The following APOB variants were observed in gnomAD, a reference collection of about 807,000 sequenced individuals.
APOB encodes apolipoprotein B, also known as apolipoprotein B-100.
APOB carries 153 observed loss-of-function variants against 314.1 expected under a neutral mutation model. The ratio of observed to expected loss-of-function variants is 0.49; its 90% confidence interval spans 0.43 to 0.56. The LOEUF (loss-of-function observed/expected upper bound fraction) is 0.56. Among genes scored for constraint, APOB ranks in the 20% least tolerant of loss-of-function variants. The probability of loss-of-function intolerance (pLI) is 0.00; values close to 1 mark genes in which losing one functional copy is unlikely to be tolerated. For synonymous variants in APOB, 2,087 were observed against 2,036.4 expected (o/e 1.02, Z -0.67); for missense variants, 5,430 against 5,350.7 (o/e 1.01, Z -0.46).
Position 21,007,901 on chromosome 2 carries a change from T to A in APOB, c.8967A>T (p.Gln2989His), listed in dbSNP as rs1453862678. Residue 2989 changes from glutamine (Q) to histidine (H), a missense_variant, in exon 26 of 29, where the codon CAA becomes CAT. By Grantham distance (24) the Gln-to-His change is conservative. This residue lies in a region of APOB where 3,281 missense variants were observed against 3,171.0 expected (regional missense o/e 1.03). Coordinates refer to ENST00000233242, the MANE Select transcript of APOB (RefSeq NM_000384.3). ...GSLNFSKLEI[Q>H]SQVDSQHVGH... ...CCACATGCTGGGAATCGACTTGTGA[T>A]TGAATTTCAAGTTTAGAAAAGTTGA... The A allele has an allele frequency of 1.9e-6, 3 of 1,614,106 alleles. No homozygotes were observed. In the South Asian group the frequency reaches 3.3e-5, roughly 18 times the overall value.
rs1467086905 is a variant in APOB at position 21,032,430 on chromosome 2, G to A, written c.1276C>T (p.Leu426=). The A allele has an allele frequency of 6.2e-7, 1 of 1,614,020 alleles. No individual in the cohort carries two copies. Among genetic ancestry groups the A allele is most frequent in the Non-Finnish European group, 8.5e-7 (1 of 1,180,048 alleles). ...ALIPEPSAQQ[L]REIFNMARDQ... ...CTCGCCATGTTGAAGATCTCTCGCA[G>A]CTGCTGTGCTGAGGGCTCGGGGATC... is the stretch of plus-strand genomic sequence containing the variant. The change falls in exon 10 of 29, where the codon CTG becomes TTG. Residue 426 remains leucine, a synonymous_variant. Transcript: ENST00000233242.
chr2:21,013,532 C>T lies in APOB; in HGVS notation c.3844G>A (p.Asp1282Asn), dbSNP rs781366272. The part of the protein sequence containing the change: ...HIPENLFLKS[D>N]GRVKYTLNKN... ...TTCAAGGTATATTTGACCCGGCCAT[C>T]GCTGAAATGAACAACAAAGATAACA... Residue 1282 changes from aspartate (D) to asparagine (N), a missense_variant and splice_region_variant, in exon 25 of 29, where the codon GAT becomes AAT. Asp to Asn is a conservative substitution (Grantham distance 23). Around this residue, in one of 3 missense-constraint regions of APOB, gnomAD observed 2,085 missense variants for 2,079.7 expected, o/e 1.00. Transcript: ENST00000233242. 20 of 1,613,964 alleles carry T rather than the reference C, an allele frequency of 1.2e-5. No homozygotes were observed. Among genetic ancestry groups the T allele is most frequent in the Non-Finnish European group, 1.4e-5 (16 of 1,180,038 alleles).
chr2:21,037,470 G>A (rs1019117236), intron 5 of APOB, among the ~76,000 whole-genome samples: 2 of 152,170 alleles, frequency 1.3e-5, no homozygotes, highest in African/African-American at 4.8e-5. Flanking sequence ...TCTGCAGAAA[G>A]GCCTCCGCAG....
At position 21,033,534 on chromosome 2, in the gene APOB, T is replaced by C. The variant is rs12720810; in HGVS notation, c.905-16A>G. 6.2e-6 allele frequency: 10 copies of C among 1,602,628 alleles called. No individual in the cohort carries two copies. The highest frequency in any genetic ancestry group is 8.6e-6 in the Non-Finnish European group (10 of 1,169,566). On this transcript the variant is annotated splice_polypyrimidine_tract_variant and intron_variant, in intron 8 of 28. Coordinates refer to ENST00000233242, the MANE Select transcript of APOB (RefSeq NM_000384.3). Reference sequence around the variant, plus strand: ...TTCTTAGTACCTGGAAGATGGAAAGTGTCAAAGGAACTCTAGCTTTCTTCA... The same window carrying C: ...TTCTTAGTACCTGGAAGATGGAAAGCGTCAAAGGAACTCTAGCTTTCTTCA...
Position 21,008,514 on chromosome 2 carries a change from T to C in APOB, c.8354A>G (p.Asn2785Ser). ...ADIGNGTTSANEAGIAASITA... is the reference protein window; with the variant it reads ...ADIGNGTTSASEAGIAASITA... ...GATGGAAGCTGCGATACCTGCTTCG[T>C]TTGCTGAGGTGGTTCCATTCCCTAT... is the stretch of plus-strand genomic sequence containing the variant. Residue 2785 changes from asparagine to serine, a missense_variant, in exon 26 of 29, where the codon AAC (asparagine) becomes AGC (serine). Asn to Ser is a conservative substitution (Grantham distance 46). This residue lies in a region of APOB where 3,281 missense variants were observed against 3,171.0 expected (regional missense o/e 1.03). Coordinates refer to ENST00000233242, the MANE Select transcript of APOB (RefSeq NM_000384.3). 3 of 1,614,084 alleles carry C rather than the reference T, an allele frequency of 1.9e-6. No individual in the cohort carries two copies. The highest frequency in any genetic ancestry group is 2.5e-6 in the Non-Finnish European group (3 of 1,179,968).
At chr2:21,038,214 C>A in intron 4 of APOB, 103 bp from the exon 5 acceptor site, 2 of 1,250,628 alleles carry the variant, frequency 1.6e-6, no homozygotes, top group Non-Finnish European at 2.3e-6. Flanking sequence ...TTTTTTTAAC[C>A]AATTGTTCTT....
chr2:21,019,928 G>A, intron 18 of APOB, 23 bp from the exon 19 acceptor site: 1 of 1,612,214 alleles, frequency 6.2e-7, no homozygotes, highest in African/African-American at 1.3e-5. Context: ...AAAAATACCT[G>A]AGTTATTGCC....
At chr2:21,003,954 C>T (rs1663062388) in intron 28 of APOB, among the ~76,000 whole-genome samples, 1 of 152,152 alleles carries the variant, frequency 6.6e-6, no homozygotes, top group South Asian at 2.1e-4. Context: ...CCAGTCCTCT[C>T]TGAAAAATAT....
chr2:21,016,251 G>GCACTCC (rs1663460749), intron 21 of APOB, among the ~76,000 whole-genome samples, 188 bp downstream of exon 21: 1 of 151,704 alleles, frequency 6.6e-6, no homozygotes, highest in South Asian at 2.1e-4. Context: ...TTGTGCCACT[G>GCACTCC]CACTCCAGCC....
At position 21,003,214 on chromosome 2, in the gene APOB, G is replaced by C; in HGVS notation, c.12208C>G (p.Leu4070Val). 6.2e-7 allele frequency: 1 copy of C among 1,614,032 alleles called. No homozygotes were observed. Among genetic ancestry groups the C allele is most frequent in the Non-Finnish European group, 8.5e-7 (1 of 1,179,942 alleles). The part of the protein sequence containing the change: ...EEAASGLLTS[L>V]KDNVPKATGV... Reference sequence around the variant, plus strand: ...GTGGCCTTGGGCACGTTGTCTTTCAGAGAGGTTAGCAAGCCAGAAGCTGCC... The same window carrying C: ...GTGGCCTTGGGCACGTTGTCTTTCACAGAGGTTAGCAAGCCAGAAGCTGCC... Residue 4070 changes from leucine to valine, a missense_variant, in exon 29 of 29, where the codon CTG (leucine) becomes GTG (valine). This residue lies in a region of APOB where 3,281 missense variants were observed against 3,171.0 expected (regional missense o/e 1.03). Transcript: ENST00000233242.
At chr2:21,023,500 A>C (rs777268107) in intron 17 of APOB, 25 bp downstream of exon 17, 12 of 1,613,810 alleles carry the variant, frequency 7.4e-6, no homozygotes, top group Non-Finnish European at 1.0e-5. Context: ...TAACCTAAGA[A>C]ATCAAAAGGC....
At position 21,001,591 on chromosome 2, in the gene APOB, T is replaced by G. The variant is rs1662977407; in HGVS notation, c.*139A>C. The stretch of plus-strand genomic sequence containing the variant: ...CTTTGGTGCAGGTCCAGTTCATATG[T>G]GCTTCTGCTTATAGTCTACTGCCTA... On this transcript the variant is annotated 3_prime_UTR_variant, in exon 29 of 29. Coordinates refer to ENST00000233242, the MANE Select transcript of APOB (RefSeq NM_000384.3). 1.3e-6 allele frequency: 1 copy of G among 786,014 alleles called. No individual in the cohort carries two copies. The highest frequency in any genetic ancestry group is 1.7e-5 in the African/African-American group (1 of 57,230). 48.7% of individuals were successfully genotyped at this position (786,014 alleles called of 1,614,324 possible).
chr2:21,032,728 C>T (rs1663912082), intron 9 of APOB, 147 bp from the exon 10 acceptor site: 2 of 722,126 alleles, frequency 2.8e-6, no homozygotes, highest in Admixed American at 2.0e-5. Context: ...GAGCTCAGAA[C>T]CATGATGCTT....
Position 21,008,937 on chromosome 2 carries a change from C to T in APOB, c.7931G>A (p.Arg2644Lys). ...KDLKNIKIPS[R>K]FSTPEFTILN... ...GATGGTAAATTCTGGTGTGGAAAAC[C>T]TGGATGGGATTTTTATATTTTTTAA... is the stretch of plus-strand genomic sequence containing the variant. The change falls in exon 26 of 29, where the codon AGG becomes AAG. Residue 2644 changes from arginine (R) to lysine (K), a missense_variant. By Grantham distance (26) the Arg-to-Lys change is conservative. This residue lies in a region of APOB where 3,281 missense variants were observed against 3,171.0 expected (regional missense o/e 1.03). Coordinates refer to ENST00000233242, the MANE Select transcript of APOB (RefSeq NM_000384.3). The T allele has an allele frequency of 6.2e-7, 1 of 1,613,964 alleles. No individual in the cohort carries two copies. Among genetic ancestry groups the T allele is most frequent in the Non-Finnish European group, 8.5e-7 (1 of 1,179,914 alleles).
intron 15 of APOB, among the ~76,000 whole-genome samples, chr2:21,026,398 C>T (rs1210679860): frequency 4.6e-5 from 7 of 152,114 alleles, no homozygotes. Context: ...CAGGCACCCA[C>T]TACCATGCCC....
chr2:21,022,334 G>A (rs1341572298), intron 18 of APOB, among the ~76,000 whole-genome samples: 1 of 152,114 alleles, frequency 6.6e-6, no homozygotes, highest in East Asian at 1.9e-4. Context: ...GCAAATCAAT[G>A]GTTGAGGGTG....
In APOB at chr2:21,025,000, T is replaced by C. The variant is rs1423482308; in HGVS notation, c.2369A>G (p.His790Arg). The C allele has an allele frequency of 3.1e-6, 5 of 1,614,124 alleles. No homozygotes were observed. The highest frequency in any genetic ancestry group is 4.5e-5 in the East Asian group (2 of 44,884). Reference protein sequence around the residue: ...LGEELGFASLHDLQLLGKLLL... With the variant: ...LGEELGFASLRDLQLLGKLLL... ...CAGCTTTCCCAGGAGCTGGAGGTCA[T>C]GGAGACTGGCAAAACCAAGCTCCTC... The change falls in exon 16 of 29, where the codon CAT becomes CGT. Residue 790 changes from histidine to arginine, a missense_variant. Transcript: ENST00000233242.
At chr2:21,041,813 C>G (rs1341735616) in intron 3 of APOB, among the ~76,000 whole-genome samples, 1 of 152,246 alleles carries the variant, frequency 6.6e-6, no homozygotes, top group Non-Finnish European at 1.5e-5. Context: ...AGCTTGACTT[C>G]TCTTCCCCAC....
In APOB at chr2:21,009,464, C is replaced by T. The variant is rs776427288; in HGVS notation, c.7404G>A (p.Leu2468=). 6.2e-6 allele frequency: 10 copies of T among 1,614,090 alleles called. No individual in the cohort carries two copies. In the Admixed American group the frequency reaches 8.3e-5, roughly 13 times the overall value. ...ELPQKAEALK[L]FLEETKATVA... ...CTGTGGCCTTGGTTTCCTCTAAAAA[C>T]AGTTTTAATGCTTCAGCTTTTTGTG... The change falls in exon 26 of 29, where the codon CTG becomes CTA. Residue 2468 remains leucine, a synonymous_variant. Coordinates refer to ENST00000233242, the MANE Select transcript of APOB (RefSeq NM_000384.3).
Sources: gnomAD v4.1 joint callset for allele counts (sites outside exome capture counted in the v4.1 genomes callset) on GRCh38, gnomAD v4.1.1 for gene constraint, gnomAD v4.1.1 regional missense constraint, MANE v1.5 for transcripts, NCBI Gene and HGNC (gene_info 2026-07-23, HGNC 2026-07-21) for gene names.